The following LRRC4C variants were observed in gnomAD, a reference collection of about 807,000 sequenced individuals.
The protein encoded by LRRC4C is leucine rich repeat containing 4C, also known as leucine-rich repeat-containing protein 4C.
LRRC4C carries 5 observed loss-of-function variants against 33.6 expected under a neutral mutation model. The observed-to-expected ratio is 0.15, with a 90% CI of 0.08 to 0.31. The LOEUF (loss-of-function observed/expected upper bound fraction) is 0.31. Ranked by LOEUF, LRRC4C falls within the 10% of genes least tolerant of loss-of-function variation. The pLI, the probability that LRRC4C is intolerant of heterozygous loss-of-function variation, is 1.00. For synonymous variants in LRRC4C, 329 were observed against 302.0 expected, an observed-to-expected ratio of 1.09 and a Z score of -0.93; for missense variants, 560 against 796.7, an observed-to-expected ratio of 0.70 and a Z score of 3.58.
At chr11:41,079,695 T>C (rs1296469241) in intron 1 of LRRC4C, among the ~76,000 whole-genome samples, 1 of 152,228 alleles carries the variant, frequency 6.6e-6, no homozygotes, top group Admixed American at 6.5e-5. Flanking sequence ...ACCAGTGGCC[T>C]ATGGGCTGAA....
intron 1 of LRRC4C, among the ~76,000 whole-genome samples, chr11:41,065,677 C>T (rs556713802): frequency 9.2e-5 from 14 of 152,312 alleles, no homozygotes; most frequent in African/African-American, 3.1e-4. Context: ...TGGCTGGCAA[C>T]AGGCCAGTAT....
intron 1 of LRRC4C, among the ~76,000 whole-genome samples, chr11:41,253,165 A>G (rs1166809866): frequency 6.6e-6 from 1 of 152,124 alleles, no homozygotes; most frequent in Non-Finnish European, 1.5e-5. Flanking sequence ...AGATCTGAGG[A>G]TATTCATTGC....
At chr11:40,860,595 G>T (rs1344103688) in intron 2 of LRRC4C, among the ~76,000 whole-genome samples, 1 of 151,936 alleles carries the variant, frequency 6.6e-6, no homozygotes, top group African/African-American at 2.4e-5. Flanking sequence ...TTGTCACGGG[G>T]TGTACTACCA....
chr11:40,676,643 C>CTA (rs1944418966), intron 2 of LRRC4C, among the ~76,000 whole-genome samples: 1 of 152,170 alleles, frequency 6.6e-6, no homozygotes, highest in African/African-American at 2.4e-5. Context: ...TATAAGATGG[C>CTA]TATCATGCCT....
intron 1 of LRRC4C, among the ~76,000 whole-genome samples, chr11:41,028,611 A>T (rs1465780019): frequency 1.3e-5 from 2 of 150,446 alleles, no homozygotes; most frequent in Non-Finnish European, 3.0e-5. Flanking sequence ...ACACACTGAA[A>T]TGGGAATGAA....
At chr11:40,722,214 T>G (rs1947053646) in intron 2 of LRRC4C, among the ~76,000 whole-genome samples, 1 of 152,216 alleles carries the variant, frequency 6.6e-6, no homozygotes, top group Admixed American at 6.5e-5. Flanking sequence ...ATTTGGTAAT[T>G]ATAGACATAT....
At chr11:41,155,799 T>C (rs1036239703) in intron 1 of LRRC4C, among the ~76,000 whole-genome samples, 8 of 152,154 alleles carry the variant, frequency 5.3e-5, no homozygotes, top group African/African-American at 1.9e-4. Flanking sequence ...TCCGCTTTGC[T>C]TCTCGATCCC....
intron 3 of LRRC4C, among the ~76,000 whole-genome samples, chr11:40,482,433 C>A (rs1217527933): frequency 6.6e-6 from 1 of 151,826 alleles, no homozygotes; most frequent in Non-Finnish European, 1.5e-5. Context: ...AGACAATAAG[C>A]TAATAGAAAC....
At chr11:41,456,734 T>G (rs1484282802) in intron 1 of LRRC4C, among the ~76,000 whole-genome samples, 1 of 152,132 alleles carries the variant, frequency 6.6e-6, no homozygotes, top group Non-Finnish European at 1.5e-5. Context: ...CATTTACCTT[T>G]CTTTTCTGAA....
intron 2 of LRRC4C, among the ~76,000 whole-genome samples, chr11:40,889,877 T>C (rs1171807474): frequency 6.6e-6 from 1 of 152,136 alleles, no homozygotes; most frequent in Non-Finnish European, 1.5e-5. Context: ...ATAGATTAAA[T>C]GAGAAAATGA....
intron 5 of LRRC4C, among the ~76,000 whole-genome samples, chr11:40,180,753 A>ATGCATGTGTGTG (rs1860922540): frequency 6.6e-6 from 1 of 152,206 alleles, no homozygotes; most frequent in Non-Finnish European, 1.5e-5. Context: ...AGATGTTTGC[A>ATGCATGTGTGTG]TGCATGTGTG....
At chr11:41,089,025 T>C (rs1213646233) in intron 1 of LRRC4C, among the ~76,000 whole-genome samples, 2 of 152,064 alleles carry the variant, frequency 1.3e-5, no homozygotes, top group African/African-American at 2.4e-5. Flanking sequence ...TTGAAAGTAG[T>C]TATACATCCA....
chr11:41,441,747 C>T (rs967987001), intron 1 of LRRC4C, among the ~76,000 whole-genome samples: 1 of 152,006 alleles, frequency 6.6e-6, no homozygotes, highest in Non-Finnish European at 1.5e-5. Context: ...GCCAACAGGG[C>T]TCCCACCCTT....
chr11:40,824,846 G>T (rs1591814666), intron 2 of LRRC4C, among the ~76,000 whole-genome samples: 1 of 151,940 alleles, frequency 6.6e-6, no homozygotes, highest in South Asian at 2.1e-4. Flanking sequence ...GCGACAGAGA[G>T]AACAAGTAAA....
chr11:40,195,999 C>G (rs1176967026), intron 5 of LRRC4C, among the ~76,000 whole-genome samples: 3 of 152,158 alleles, frequency 2.0e-5, no homozygotes, highest in Non-Finnish European at 4.4e-5. Context: ...GTCAAAGACA[C>G]CTTACCTGAA....
Position 40,680,670 on chromosome 11 carries a change from C to T in LRRC4C, c.-406-32392G>A, listed in dbSNP as rs185801891. On this transcript the variant is annotated intron_variant, in intron 2 of 6. Coordinates refer to ENST00000528697, the MANE Select transcript of LRRC4C (RefSeq NM_001258419.2). The stretch of plus-strand genomic sequence containing the variant: ...GTATGACTTGCTCCTCCTTGCTTTC[C>T]GCCATGATTGTGAGGCCCCATCAGC... Among the ~76,000 whole-genome samples, 18 of 152,236 alleles carry T rather than the reference C, an allele frequency of 1.2e-4. No individual in the cohort carries two copies. The East Asian group carries it at 1.4e-3, about 11-fold the overall frequency.
In LRRC4C at chr11:41,427,675, G is replaced by A. The variant is rs577879608; in HGVS notation, c.-496+31756C>T. On this transcript the variant is annotated intron_variant, in intron 1 of 6. Transcript: ENST00000528697. ...ACATGAGCTAAAAAGGAAAGTGTCC[G>A]GCCTCTGAGCCCAAGCTAAGCCATC... Among the ~76,000 whole-genome samples the A allele has an allele frequency of 3.3e-5, 5 of 152,220 alleles. No homozygotes were observed. In the South Asian group the frequency reaches 6.2e-4, roughly 19 times the overall value.
chr11:40,741,719 T>A (rs1219417812), intron 2 of LRRC4C, among the ~76,000 whole-genome samples: 1 of 152,088 alleles, frequency 6.6e-6, no homozygotes, highest in Non-Finnish European at 1.5e-5. Context: ...TTAGTAAAGA[T>A]TTTTCAATGA....
At chr11:41,047,081 C>T (rs1431805627) in intron 1 of LRRC4C, among the ~76,000 whole-genome samples, 1 of 151,954 alleles carries the variant, frequency 6.6e-6, no homozygotes, top group Admixed American at 6.6e-5. Context: ...TGAAGCAAAC[C>T]ACAGAATGTG....
Sources: gnomAD v4.1 joint callset for allele counts (sites outside exome capture counted in the v4.1 genomes callset) on GRCh38, gnomAD v4.1.1 for gene constraint, MANE v1.5 for transcripts, NCBI Gene and HGNC (gene_info 2026-07-23, HGNC 2026-07-21) for gene names.